TASP1: variants seen among roughly 807,000 people sequenced by gnomAD.
TASP1 encodes the protein taspase 1, also known as threonine aspartase 1.
A neutral mutation model predicts 56.6 loss-of-function variants in TASP1; 16 were observed. The ratio of observed to expected loss-of-function variants is 0.28; its 90% CI spans 0.19 to 0.43. The LOEUF (loss-of-function observed/expected upper bound fraction) is 0.43, where lower values mean the gene tolerates loss of function less well. Among genes scored for constraint, TASP1 ranks in the 20% least tolerant of loss-of-function variants. TASP1 has a pLI of 1.00. For missense variants in TASP1, 393 were observed against 511.6 expected (o/e 0.77, Z 2.24); for synonymous variants, 179 against 184.2 (o/e 0.97, Z 0.23).
At chr20:13,132,171 A>ATTTTTTTTTT in the TASP1 span, among the ~76,000 whole-genome samples, 2 of 104,000 alleles carry the variant, frequency 1.9e-5, no homozygotes, top group East Asian at 2.7e-4. Flanking sequence ...CCTTGCTTTA[A>ATTTTTTTTTT]TTTTTTTTTT....
intron 1 of TASP1, among the ~76,000 whole-genome samples, chr20:13,638,114 TC>T (rs1465230258): frequency 2.0e-5 from 3 of 152,244 alleles, no homozygotes; most frequent in Non-Finnish European, 4.4e-5. Context: ...TTCCAGATGT[TC>T]CTTAGTAAGC....
At chr20:13,555,842 T>C (rs1271325178) in intron 8 of TASP1, among the ~76,000 whole-genome samples, 1 of 152,198 alleles carries the variant, frequency 6.6e-6, no homozygotes, top group Non-Finnish European at 1.5e-5. Flanking sequence ...ATGTCTTTCT[T>C]AAGCAATAAA....
At chr20:13,501,377 A>T (rs1276020060) in intron 10 of TASP1, among the ~76,000 whole-genome samples, 1 of 152,044 alleles carries the variant, frequency 6.6e-6, no homozygotes, top group Non-Finnish European at 1.5e-5. Flanking sequence ...AGACAACTGA[A>T]TATCTAACAC....
At chr20:13,149,325 G>A in the TASP1 span, among the ~76,000 whole-genome samples, 2 of 152,176 alleles carry the variant, frequency 1.3e-5, no homozygotes, top group Non-Finnish European at 2.9e-5. Context: ...GGCTGTCCCT[G>A]TACAAAAGGA....
intron 11 of TASP1, among the ~76,000 whole-genome samples, chr20:13,472,981 CTG>C (rs1312978768): frequency 6.6e-6 from 1 of 152,148 alleles, no homozygotes; most frequent in African/African-American, 2.4e-5. Flanking sequence ...CATCCCATTA[CTG>C]GGTATATAAA....
the TASP1 span, chr20:13,288,713 T>A: frequency 6.3e-7 from 1 of 1,588,972 alleles, no homozygotes; most frequent in Non-Finnish European, 8.6e-7. Context: ...TAGCTCCAAG[T>A]TCAAGGGGAA....
chr20:13,408,781 G>T (rs1227233845), intron 13 of TASP1, among the ~76,000 whole-genome samples: 1 of 152,072 alleles, frequency 6.6e-6, no homozygotes, highest in Non-Finnish European at 1.5e-5. Flanking sequence ...TTGAAATAAA[G>T]TTAGCCACTT....
the TASP1 span, among the ~76,000 whole-genome samples, chr20:13,131,850 T>C: frequency 2.0e-5 from 3 of 152,168 alleles, no homozygotes; most frequent in African/African-American, 7.2e-5. Context: ...TTCTGTCGTC[T>C]TTTCAGCTTA....
At chr20:13,117,470 A>G in the TASP1 span, 2 of 1,526,412 alleles carry the variant, frequency 1.3e-6, no homozygotes, top group Non-Finnish European at 1.8e-6. Flanking sequence ...CCAGGAGGGT[A>G]TTTGTTAGTT....
chr20:13,320,323 T>C, the TASP1 span, among the ~76,000 whole-genome samples: 1 of 152,192 alleles, frequency 6.6e-6, no homozygotes, highest in Admixed American at 6.5e-5. Context: ...TGTGATACAT[T>C]AGCTTTGTAC....
chr20:13,373,780 G>C, the TASP1 span, among the ~76,000 whole-genome samples: 1 of 152,042 alleles, frequency 6.6e-6, no homozygotes, highest in East Asian at 1.9e-4. Context: ...TCCTGAGTGT[G>C]TTTTCCAGCA....
intron 8 of TASP1, among the ~76,000 whole-genome samples, chr20:13,552,556 A>T (rs1216542486): frequency 6.6e-6 from 1 of 152,182 alleles, no homozygotes; most frequent in African/African-American, 2.4e-5. Context: ...CAAGGAGTGG[A>T]GTTGGGACAA....
chr20:13,145,276 C>T, the TASP1 span, among the ~76,000 whole-genome samples: 14 of 152,210 alleles, frequency 9.2e-5, 1 homozygote, highest in South Asian at 2.7e-3. Flanking sequence ...AGCTGATAAA[C>T]GACTTCAGCA....
chr20:13,283,456 T>C, the TASP1 span, among the ~76,000 whole-genome samples: 26 of 152,254 alleles, frequency 1.7e-4, 1 homozygote, highest in Admixed American at 1.5e-3. Flanking sequence ...AATTTATATA[T>C]TTGTCCGCAA....
the TASP1 span, among the ~76,000 whole-genome samples, chr20:13,335,597 T>C: frequency 0.14 from 21,822 of 151,676 alleles, 1,935 homozygotes; most frequent in African/African-American, 0.23. Context: ...AGAGTAAATG[T>C]AGGAATTAAT....
At chr20:13,349,755 T>C in the TASP1 span, among the ~76,000 whole-genome samples, 223 of 152,312 alleles carry the variant, frequency 1.5e-3, no homozygotes, top group African/African-American at 4.9e-3. Context: ...CATGAGTTTA[T>C]CAAGGTCACG....
chr20:13,129,641 G>A, the TASP1 span, among the ~76,000 whole-genome samples: 2 of 152,160 alleles, frequency 1.3e-5, no homozygotes, highest in Admixed American at 6.6e-5. Context: ...TATGTCATCC[G>A]AATCAGTTGC....
At chr20:13,473,848 G>T (rs188974701) in intron 11 of TASP1, among the ~76,000 whole-genome samples, 1 of 152,142 alleles carries the variant, frequency 6.6e-6, no homozygotes, top group Non-Finnish European at 1.5e-5. Flanking sequence ...AAAAGCAGGA[G>T]GATTACTGGA....
intron 8 of TASP1, among the ~76,000 whole-genome samples, chr20:13,546,131 C>G (rs1008009004): frequency 6.6e-6 from 1 of 151,892 alleles, no homozygotes; most frequent in African/African-American, 2.4e-5. Flanking sequence ...TATTTAAAAG[C>G]CTGTACATAA....
Sources: allele counts gnomAD v4.1 joint callset (sites outside exome capture counted in the v4.1 genomes callset), GRCh38; gene constraint gnomAD v4.1.1; transcripts MANE v1.5; gene names NCBI Gene and HGNC (gene_info 2026-07-23, HGNC 2026-07-21).